The following PLEKHM1 variants were observed in gnomAD, a reference collection of about 807,000 sequenced individuals.
PLEKHM1 encodes the protein pleckstrin homology and RUN domain containing M1, also known as pleckstrin homology domain-containing family M member 1.
In PLEKHM1, 28 loss-of-function variants were observed where a neutral mutation model predicts 94.3. The observed-to-expected ratio is 0.30, with a 90% CI of 0.22 to 0.41. The LOEUF is 0.41. Among genes scored for constraint, PLEKHM1 ranks in the 10% least tolerant of loss-of-function variants. The pLI, the probability that PLEKHM1 is intolerant of heterozygous loss-of-function variation, is 1.00. For missense variants in PLEKHM1, 907 were observed against 1,358.6 expected, an observed-to-expected ratio of 0.67 and a Z score of 5.22; for synonymous variants, 424 against 581.2, an observed-to-expected ratio of 0.73 and a Z score of 3.89.
Position 45,468,217 on chromosome 17 carries a change from T to C in PLEKHM1, c.1300A>G (p.Thr434Ala), listed in dbSNP as rs1201330528. Reference protein sequence around the residue: ...AGLKLVVSSPTSPKNKSWISE... With the variant: ...AGLKLVVSSPASPKNKSWISE... ...CGGCTTGCACCACTCACCGGACTGG[T>C]GGGTGAGGAAACTACCAGCTTCAGA... The change falls in exon 5 of 12, where the codon ACC becomes GCC. Residue 434 changes from threonine (T) to alanine (A), a missense_variant. By Grantham distance (58) the Thr-to-Ala change is moderately conservative. Around this residue, in one of 3 missense-constraint regions of PLEKHM1, gnomAD observed 477 missense variants for 601.5 expected, o/e 0.79. Transcript: ENST00000430334. The C allele has an allele frequency of 6.2e-7, 1 of 1,612,650 alleles. No homozygotes were observed. The highest frequency in any genetic ancestry group is 1.3e-5 in the African/African-American group (1 of 74,838).
At chr17:45,466,204 G>A (rs2051315601) in intron 5 of PLEKHM1, among the ~76,000 whole-genome samples, 2 of 152,228 alleles carry the variant, frequency 1.3e-5, no homozygotes, top group South Asian at 4.2e-4. Flanking sequence ...ATATCCATAT[G>A]GAAAAATATG....
At chr17:45,449,933 CCCATCCA>C in intron 8 of PLEKHM1, among the ~76,000 whole-genome samples, 1 of 151,546 alleles carries the variant, frequency 6.6e-6, no homozygotes, top group African/African-American at 2.4e-5. Context: ...TGCCCATCCA[CCCATCCA>C]CCTACCCATC....
rs1344274702 is a variant in PLEKHM1 at position 45,439,480 on chromosome 17, A to T, written c.3056T>A (p.Val1019Asp). Residue 1019 changes from valine (V) to aspartate (D), a missense_variant, in exon 11 of 12, where the codon GTC (valine) becomes GAC (aspartate). Transcript: ENST00000430334. ...IIFPFEFDTT[V>D]RCAECKTVFH... is the part of the protein sequence containing the mutation. ...GCTGGCTGGGTGTCCCGCATACCTG[A>T]CTGTGGTGTCAAACTCAAAGGGGAA... 2 of 1,614,032 alleles carry T rather than the reference A, an allele frequency of 1.2e-6. No individual in the cohort carries two copies. The highest frequency in any genetic ancestry group is 2.7e-5 in the African/African-American group (2 of 74,912).
intron 1 of PLEKHM1, among the ~76,000 whole-genome samples, chr17:45,484,672 C>A (rs528157079): frequency 8.5e-4 from 130 of 152,294 alleles, no homozygotes; most frequent in Middle Eastern, 6.8e-3. Flanking sequence ...TCAGAATAAA[C>A]CTCTTCGAAT....
At chr17:45,446,881 C>T (rs2050622879) in intron 8 of PLEKHM1, among the ~76,000 whole-genome samples, 1 of 152,272 alleles carries the variant, frequency 6.6e-6, no homozygotes, top group African/African-American at 2.4e-5. Context: ...CTCTCTGTGA[C>T]TCAGTTTCCT....
chr17:45,454,149 T>A lies in PLEKHM1; in HGVS notation c.1703A>T (p.Asn568Ile), dbSNP rs2050871963. Residue 568 changes from asparagine to isoleucine, a missense_variant, in exon 7 of 12, where the codon AAC becomes ATC. Asn to Ile is a moderately radical substitution (Grantham distance 149). This residue lies in a region of PLEKHM1 where 477 missense variants were observed against 601.5 expected (regional missense o/e 0.79). Transcript: ENST00000430334. ...SPLEFRLYLS[N>I]EEHTCVENCS... ...GTTCTCCACACAGGTGTGCTCCTCG[T>A]TGCTCAGGTAGAGGCGGAACTCCAG... 6.2e-7 allele frequency: 1 copy of A among 1,613,966 alleles called. No homozygotes were observed. The highest frequency in any genetic ancestry group is 8.5e-7 in the Non-Finnish European group (1 of 1,180,036).
chr17:45,456,625 C>T (rs1366341728), intron 6 of PLEKHM1, among the ~76,000 whole-genome samples: 4 of 152,232 alleles, frequency 2.6e-5, no homozygotes, highest in Non-Finnish European at 4.4e-5. Context: ...ACAAACCTAA[C>T]AGAAGCCAGC....
intron 4 of PLEKHM1, among the ~76,000 whole-genome samples, chr17:45,472,813 T>C (rs1228301529): frequency 6.6e-6 from 1 of 152,128 alleles, no homozygotes; most frequent in Non-Finnish European, 1.5e-5. Flanking sequence ...CCAAGCCCAG[T>C]CCGTAACACC....
intron 1 of PLEKHM1, among the ~76,000 whole-genome samples, chr17:45,486,216 C>CAAA (rs1214022191): frequency 6.4e-4 from 51 of 79,816 alleles, no homozygotes; most frequent in African/African-American, 2.4e-3. Flanking sequence ...GACTCCGTCT[C>CAAA]AAAAAAAAAA....
At chr17:45,477,116 G>A (rs1037550914) in intron 3 of PLEKHM1, 5 of 152,776 alleles carry the variant, frequency 3.3e-5, no homozygotes, top group East Asian at 1.9e-4. Context: ...AGACAGTTAG[G>A]GGCCAAAGAG....
intron 6 of PLEKHM1, among the ~76,000 whole-genome samples, chr17:45,457,336 G>T (rs1376766560): frequency 2.0e-5 from 3 of 151,918 alleles, no homozygotes; most frequent in Non-Finnish European, 4.4e-5. Flanking sequence ...GCCGAGGCGG[G>T]GTGGATCACC....
At chr17:45,441,177 T>G (rs1436972683) in intron 9 of PLEKHM1, 1 of 152,148 alleles carries the variant, frequency 6.6e-6, no homozygotes, top group Non-Finnish European at 1.5e-5. Flanking sequence ...GGTGGGAGGT[T>G]ACTCCAAGTC....
chr17:45,468,566 C>A lies in PLEKHM1; in HGVS notation c.951G>T (p.Gln317His). ...GTCCGTTGGTTGGCACAGAGTTTAC[C>A]TGGGCTTTGCTGAATTCCAACAATA... is the stretch of plus-strand genomic sequence containing the variant. ...QEVLLEFSKA[Q>H]VNSVPTNGLS... The change falls in exon 5 of 12, where the codon CAG becomes CAT. Residue 317 changes from glutamine (Q) to histidine (H), a missense_variant. Transcript: ENST00000430334. The A allele has an allele frequency of 6.2e-7, 1 of 1,614,226 alleles. No individual in the cohort carries two copies. The highest frequency in any genetic ancestry group is 8.5e-7 in the Non-Finnish European group (1 of 1,180,042).
intron 7 of PLEKHM1, among the ~76,000 whole-genome samples, chr17:45,451,524 C>T (rs2050774892): frequency 6.6e-6 from 1 of 152,244 alleles, no homozygotes; most frequent in Admixed American, 6.5e-5. Context: ...CCAGCTGCCT[C>T]ACCCTGACCT....
chr17:45,486,845 G>A (rs1183159567), intron 1 of PLEKHM1, among the ~76,000 whole-genome samples: 1 of 152,130 alleles, frequency 6.6e-6, no homozygotes, highest in Non-Finnish European at 1.5e-5. Context: ...GGGCTCAGAT[G>A]GTCAGTGACA....
At chr17:45,462,694 G>T (rs2051188216) in intron 5 of PLEKHM1, among the ~76,000 whole-genome samples, 2 of 152,170 alleles carry the variant, frequency 1.3e-5, no homozygotes, top group South Asian at 4.1e-4. Flanking sequence ...CAAGATGAGG[G>T]AATAAATCAT....
intron 2 of PLEKHM1, among the ~76,000 whole-genome samples, chr17:45,481,663 T>G (rs1411493415): frequency 8.2e-5 from 8 of 97,048 alleles, no homozygotes; most frequent in South Asian, 3.9e-4. Flanking sequence ...GCACTGGGGG[T>G]GGGAGAGTGG....
Position 45,468,380 on chromosome 17 carries a change from C to T in PLEKHM1, c.1137G>A (p.Gln379=). The T allele has an allele frequency of 6.2e-7, 1 of 1,614,192 alleles. No homozygotes were observed. The highest frequency in any genetic ancestry group is 8.5e-7 in the Non-Finnish European group (1 of 1,180,032). ...DGVHVQEPRP[Q]APSPLDLQQP... is the part of the protein sequence containing the mutation. ...GCTGTAAGTCCAGGGGGCTGGGCGC[C>T]TGGGGACGCGGCTCCTGCACGTGGA... The change falls in exon 5 of 12, where the codon CAG becomes CAA. Residue 379 remains glutamine, a synonymous_variant. Transcript: ENST00000430334.
intron 9 of PLEKHM1, among the ~76,000 whole-genome samples, chr17:45,441,887 GAGA>G (rs771238223): frequency 5.3e-5 from 8 of 152,194 alleles, no homozygotes; most frequent in South Asian, 2.1e-4. Context: ...CTCTCCGGGA[GAGA>G]AGAAGATGAG....
Sources: gnomAD v4.1 joint callset for allele counts (sites outside exome capture counted in the v4.1 genomes callset) on GRCh38, gnomAD v4.1.1 for gene constraint, gnomAD v4.1.1 regional missense constraint, MANE v1.5 for transcripts, NCBI Gene and HGNC (gene_info 2026-07-23, HGNC 2026-07-21) for gene names.